LPCAT1: variants seen among roughly 807,000 people sequenced by gnomAD.
The protein encoded by LPCAT1 is 1-acylglycerol-3-phosphate O-acyltransferase.
In LPCAT1, 23 loss-of-function variants were observed where a neutral mutation model predicts 60.9. The ratio of observed to expected loss-of-function variants is 0.38; its 90% CI spans 0.27 to 0.53. The LOEUF (loss-of-function observed/expected upper bound fraction) is 0.53, where lower values mean the gene tolerates loss of function less well. LPCAT1 is among the 20% of genes least tolerant of loss of function. The pLI, the probability that LPCAT1 is intolerant of heterozygous loss-of-function variation, is 0.82. For missense variants in LPCAT1, 622 were observed against 723.6 expected (o/e 0.86, Z 1.61); for synonymous variants, 340 against 301.1 (o/e 1.13, Z -1.34).
intron 3 of LPCAT1, among the ~76,000 whole-genome samples, chr5:1,490,823 A>G (rs1735549795): frequency 6.6e-6 from 1 of 152,104 alleles, no homozygotes; most frequent in East Asian, 1.9e-4. Context: ...AAATGAAACT[A>G]TCCCTGAGTG....
In LPCAT1 at chr5:1,502,500, C is replaced by A. The variant is rs1736053875; in HGVS notation, c.136-897G>T. ...GAGTGAACTGGCGGGAGGGCAGGGG[C>A]GCAGGTCAATATGGGGGCTCAGGAA... is the stretch of plus-strand genomic sequence containing the variant. On this transcript the variant is annotated intron_variant, in intron 1 of 13. Transcript: ENST00000283415. This position sits in a 1 kb window ranked among gnomAD's most constrained non-coding sequence, Gnocchi z 5.5. Among the ~76,000 whole-genome samples, 5 of 152,156 alleles carry A rather than the reference C, an allele frequency of 3.3e-5. No individual in the cohort carries two copies. The South Asian group carries it at 1.0e-3, about 32-fold the overall frequency.
intron 3 of LPCAT1, among the ~76,000 whole-genome samples, chr5:1,491,883 A>C (rs1236800880): frequency 1.3e-5 from 2 of 152,232 alleles, no homozygotes; most frequent in East Asian, 1.9e-4. Flanking sequence ...TATTTTGAAC[A>C]TTTTCAACAT....
intron 12 of LPCAT1, among the ~76,000 whole-genome samples, chr5:1,469,755 T>C (rs1012801942): frequency 2.0e-5 from 3 of 151,408 alleles, no homozygotes; most frequent in Non-Finnish European, 4.4e-5. Context: ...CACTCCAGCC[T>C]GGACAACAGA....
At position 1,480,975 on chromosome 5, in the gene LPCAT1, T is replaced by C. The variant is rs1457899085; in HGVS notation, c.728A>G (p.Asp243Gly). Reference sequence around the variant, plus strand: ...TCCTTGCCACGTCCATGTGATGGTGTCCTGGGGAGGAAGAGGCAGGGTCAG... The same window carrying C: ...TCCTTGCCACGTCCATGTGATGGTGCCCTGGGGAGGAAGAGGCAGGGTCAG... The part of the protein sequence containing the change: ...PVVLRYPNKL[D>G]TITWTWQGPG... The change falls in exon 7 of 14, where the codon GAC (aspartate) becomes GGC (glycine). Residue 243 changes from aspartate to glycine, a missense_variant and splice_region_variant. Asp to Gly is a moderately conservative substitution (Grantham distance 94). Transcript: ENST00000283415. The surrounding 1 kb of genome is among the most constrained non-coding windows in gnomAD (Gnocchi z 6.4). The C allele has an allele frequency of 6.2e-7, 1 of 1,613,728 alleles. No individual in the cohort carries two copies. The highest frequency in any genetic ancestry group is 8.5e-7 in the Non-Finnish European group (1 of 1,179,992).
intron 5 of LPCAT1, among the ~76,000 whole-genome samples, chr5:1,485,083 G>C (rs1735321224): frequency 6.6e-6 from 1 of 152,134 alleles, no homozygotes; most frequent in African/African-American, 2.4e-5. Context: ...CGCGTGGAGT[G>C]CCGAGACCTG....
chr5:1,466,480 G>A (rs1248640491), intron 13 of LPCAT1, among the ~76,000 whole-genome samples: 3 of 152,222 alleles, frequency 2.0e-5, no homozygotes, highest in African/African-American at 7.2e-5. Flanking sequence ...CCCAGCCTGA[G>A]GCCATGGAAG....
chr5:1,494,808 T>C lies in LPCAT1; in HGVS notation c.385A>G (p.Ile129Val), dbSNP rs1735720220. The C allele has an allele frequency of 1.9e-6, 3 of 1,614,022 alleles. No homozygotes were observed. Among genetic ancestry groups the C allele is most frequent in the Non-Finnish European group, 2.5e-6 (3 of 1,180,002 alleles). ...GACGAGTGAGGCGCGAGCGTGAGGA[T>C]GGCCGCCTCGGTGGGCAGCGCCTGC... is the stretch of plus-strand genomic sequence containing the variant. ...GRQALPTEAA[I>V]LTLAPHSSYF... The change falls in exon 3 of 14, where the codon ATC becomes GTC. Residue 129 changes from isoleucine to valine, a missense_variant. By Grantham distance (29) the Ile-to-Val change is conservative. Transcript: ENST00000283415.
chr5:1,466,257 C>CCACAGA (rs1384056349), intron 13 of LPCAT1, among the ~76,000 whole-genome samples: 7 of 152,214 alleles, frequency 4.6e-5, no homozygotes, highest in African/African-American at 1.4e-4. Context: ...TTACCAGTCA[C>CCACAGA]CTCATCAGAT....
In LPCAT1 at chr5:1,523,583, G is replaced by T; in HGVS notation, c.135+127C>A. ...AGGGGCGGCCGCGGGGAGGGAAGGCGCCGCGGCTCGCAGGGCCGCGCCGCG... is the reference window on the plus strand; with the variant it reads ...AGGGGCGGCCGCGGGGAGGGAAGGCTCCGCGGCTCGCAGGGCCGCGCCGCG... On this transcript the variant is annotated intron_variant, in intron 1 of 13. Coordinates refer to ENST00000283415, the MANE Select transcript of LPCAT1 (RefSeq NM_024830.5). This position sits in a 1 kb window ranked among gnomAD's most constrained non-coding sequence, Gnocchi z 7.1. The T allele has an allele frequency of 5.1e-6, 3 of 590,594 alleles. No individual in the cohort carries two copies. Among genetic ancestry groups the T allele is most frequent in the Admixed American group, 1.2e-4 (2 of 16,230 alleles). The allele number at this position is 590,594 out of a possible 1,614,324, so 36.6% of individuals were successfully genotyped here. A position where few individuals can be genotyped will look rare whatever the true frequency, so the allele number is the denominator to read the frequency against.
rs1734168898 is a variant in LPCAT1 at position 1,463,043 on chromosome 5, G to A, written c.*608C>T. The A allele has an allele frequency of 6.6e-6, 1 of 151,728 alleles. No individual in the cohort carries two copies. Among genetic ancestry groups the A allele is most frequent in the South Asian group, 2.1e-4 (1 of 4,818 alleles). The allele number at this position is 151,728 out of a possible 1,614,324, so 9.4% of individuals were successfully genotyped here. ...AAAGGCCTATAAATAAATATCCTTT[G>A]ACTCTAAAAGGAAAAATGAAGTAGA... On this transcript the variant is annotated 3_prime_UTR_variant, in exon 14 of 14. Transcript: ENST00000283415.
intron 1 of LPCAT1, among the ~76,000 whole-genome samples, chr5:1,504,634 G>C (rs1250514283): frequency 6.6e-6 from 1 of 150,500 alleles, no homozygotes; most frequent in East Asian, 2.0e-4. Flanking sequence ...GAATCACTTG[G>C]ACCCGGGAGT....
At chr5:1,468,225 C>T (rs891390960) in intron 12 of LPCAT1, among the ~76,000 whole-genome samples, 2 of 152,242 alleles carry the variant, frequency 1.3e-5, no homozygotes, top group Non-Finnish European at 2.9e-5. Flanking sequence ...CTCTCCCTCC[C>T]CTGGGCCTCA....
At chr5:1,512,150 A>G (rs1736374212) in intron 1 of LPCAT1, among the ~76,000 whole-genome samples, 1 of 152,156 alleles carries the variant, frequency 6.6e-6, no homozygotes, top group Admixed American at 6.5e-5. Flanking sequence ...GGCCACCCGG[A>G]CAGGGCTTGG....
Position 1,523,603 on chromosome 5 carries a change from G to C in LPCAT1, c.135+107C>G. 1 of 804,164 alleles carries C rather than the reference G, an allele frequency of 1.2e-6. No homozygotes were observed. Among genetic ancestry groups the C allele is most frequent in the African/African-American group, 1.9e-5 (1 of 53,300 alleles). The allele number at this position is 804,164 out of a possible 1,614,324, so 49.8% of individuals were successfully genotyped here. A position where few individuals can be genotyped will look rare whatever the true frequency, so the allele number is the denominator to read the frequency against. ...AAGGCGCCGCGGCTCGCAGGGCCGC[G>C]CCGCGCCCCAGGCCCCCTCCCCGGC... On this transcript the variant is annotated intron_variant, in intron 1 of 13. Coordinates refer to ENST00000283415, the MANE Select transcript of LPCAT1 (RefSeq NM_024830.5). This position sits in a 1 kb window ranked among gnomAD's most constrained non-coding sequence, Gnocchi z 7.1.
At position 1,462,751 on chromosome 5, in the gene LPCAT1, A is replaced by C. The variant is rs1413236344; in HGVS notation, c.*900T>G. 6.6e-6 allele frequency: 1 copy of C among 152,238 alleles called. No individual in the cohort carries two copies. Among genetic ancestry groups the C allele is most frequent in the Non-Finnish European group, 1.5e-5 (1 of 68,048 alleles). The allele number at this position is 152,238 out of a possible 1,614,324, so 9.4% of individuals were successfully genotyped here. The stretch of plus-strand genomic sequence containing the variant: ...TCCAGCTCGGGCCCTGCTCATTTGA[A>C]CAATATCCAACCTCGGACTGGAGTT... On this transcript the variant is annotated 3_prime_UTR_variant, in exon 14 of 14. Transcript: ENST00000283415.
At chr5:1,474,949 C>T (rs531721708) in intron 9 of LPCAT1, among the ~76,000 whole-genome samples, 7 of 152,354 alleles carry the variant, frequency 4.6e-5, no homozygotes, top group Admixed American at 1.3e-4. Context: ...TTTGAAACAG[C>T]GTGAGAATTA....
intron 11 of LPCAT1, among the ~76,000 whole-genome samples, chr5:1,473,339 G>A (rs1261343503): frequency 6.6e-6 from 1 of 152,254 alleles, no homozygotes; most frequent in Non-Finnish European, 1.5e-5. Flanking sequence ...GAAAAGACCA[G>A]GATTGGCTGA....
rs780293144 is a variant in LPCAT1, at chr5:1,501,603, C to T, written c.136G>A (p.Val46Met). 7 of 1,613,644 alleles carry T rather than the reference C, an allele frequency of 4.3e-6. No individual in the cohort carries two copies. In the African/African-American group the frequency reaches 9.3e-5, roughly 22 times the overall value. ...LRLSALQKAQ[V>M]ALMTLTLFPV... ...AAGAGCGTCAGTGTCATGAGGGCCA[C>T]CTGCAGACAGAGGGGGGCATTATCC... Residue 46 changes from valine (V) to methionine (M), a missense_variant and splice_region_variant, in exon 2 of 14, where the codon GTG becomes ATG. Coordinates refer to ENST00000283415, the MANE Select transcript of LPCAT1 (RefSeq NM_024830.5).
rs112236066 is a variant in LPCAT1 at position 1,494,417 on chromosome 5, G to A, written c.493+283C>T. Among the ~76,000 whole-genome samples, 12 of 151,234 alleles carry A rather than the reference G, an allele frequency of 7.9e-5. 1 individual carries two copies. Among genetic ancestry groups the A allele is most frequent in the Admixed American group, 2.0e-4 (3 of 15,228 alleles). On this transcript the variant is annotated intron_variant, in intron 3 of 13. Transcript: ENST00000283415. ...TCGATCACTCCCAGCAGCGTGGTGG[G>A]GGGGGGGTCCCTCACTCCCGGTAGG...
Sources: gnomAD v4.1 joint callset for allele counts (sites outside exome capture counted in the v4.1 genomes callset) on GRCh38, gnomAD v4.1.1 for gene constraint, Gnocchi (gnomAD v3.1) non-coding constraint, MANE v1.5 for transcripts, NCBI Gene and HGNC (gene_info 2026-07-23, HGNC 2026-07-21) for gene names.